WWP1: variants seen among roughly 807,000 people sequenced by gnomAD.
WWP1 encodes the protein NEDD4-like E3 ubiquitin-protein ligase WWP1.
Under a neutral mutation model 130.6 loss-of-function variants are expected in WWP1, and 49 were observed. The observed-to-expected ratio is 0.38, with a 90% CI of 0.30 to 0.48. The LOEUF (loss-of-function observed/expected upper bound fraction) is 0.48, where lower values mean the gene tolerates loss of function less well. Among genes scored for constraint, WWP1 ranks in the 20% least tolerant of loss-of-function variants. The probability of loss-of-function intolerance (pLI) is 0.99; values close to 1 mark genes in which losing one functional copy is unlikely to be tolerated. For synonymous variants in WWP1, 332 were observed against 367.8 expected, an observed-to-expected ratio of 0.90 and a Z score of 1.11; for missense variants, 809 against 1,100.6, an observed-to-expected ratio of 0.74 and a Z score of 3.75.
intron 24 of WWP1, 30 bp from the exon 25 acceptor site, chr8:86,466,764 A>G (rs560459890): frequency 1.4e-6 from 2 of 1,420,322 alleles, no homozygotes; most frequent in African/African-American, 2.9e-5. Context: ...TTTATTGAAA[A>G]CATCTGATTT....
chr8:86,452,277 G>A (rs1258889736), intron 20 of WWP1, among the ~76,000 whole-genome samples: 3 of 152,084 alleles, frequency 2.0e-5, no homozygotes, highest in Non-Finnish European at 4.4e-5. Flanking sequence ...ACTAAATAGT[G>A]AAGAACCTCC....
chr8:86,466,520 T>C (rs1039865900), intron 24 of WWP1, among the ~76,000 whole-genome samples: 1 of 150,290 alleles, frequency 6.7e-6, no homozygotes, highest in African/African-American at 2.5e-5. Flanking sequence ...GTAACAGGAA[T>C]AGTAAAAAGA....
intron 18 of WWP1, among the ~76,000 whole-genome samples, chr8:86,446,621 C>G (rs570578824): frequency 2.0e-5 from 3 of 152,172 alleles, no homozygotes; most frequent in Admixed American, 6.5e-5. Context: ...AGTATTTAAT[C>G]CATCTTGAGT....
At chr8:86,443,298 T>C (rs1428611272) in intron 18 of WWP1, among the ~76,000 whole-genome samples, 2 of 152,154 alleles carry the variant, frequency 1.3e-5, no homozygotes, top group East Asian at 3.9e-4. Context: ...GGTCTCAAAC[T>C]CCTGAGCTGA....
chr8:86,391,276 C>G lies in WWP1; in HGVS notation c.335-7066C>G, dbSNP rs551385597. Among the ~76,000 whole-genome samples, 16 of 152,266 alleles carry G rather than the reference C, an allele frequency of 1.1e-4. No individual in the cohort carries two copies. The South Asian group carries it at 3.1e-3, about 30-fold the overall frequency. On this transcript the variant is annotated intron_variant, in intron 5 of 24. Coordinates refer to ENST00000517970, the MANE Select transcript of WWP1 (RefSeq NM_007013.4). ...TCCCAAAGCTTTTGCTCCTTTAATC[C>G]TCTAATACATTGTCTCAGAATGTTT...
chr8:86,355,253 T>C (rs1205651697), intron 1 of WWP1, among the ~76,000 whole-genome samples: 1 of 152,320 alleles, frequency 6.6e-6, no homozygotes, highest in Admixed American at 6.5e-5. Context: ...AGTAATGATA[T>C]CCTGATGATG....
intron 24 of WWP1, 134 bp downstream of exon 24, chr8:86,461,980 T>A: frequency 1.5e-6 from 1 of 679,788 alleles, no homozygotes; most frequent in Non-Finnish European, 2.6e-6. Context: ...GAGAACAGAT[T>A]AATACAGCAT....
chr8:86,371,690 T>C (rs1319064047), intron 2 of WWP1, among the ~76,000 whole-genome samples: 2 of 152,218 alleles, frequency 1.3e-5, no homozygotes, highest in Non-Finnish European at 2.9e-5. Flanking sequence ...CTTTTTCTTA[T>C]TTGTAAGTAT....
At chr8:86,408,504 A>C (rs1050885727) in intron 8 of WWP1, among the ~76,000 whole-genome samples, 1 of 152,206 alleles carries the variant, frequency 6.6e-6, no homozygotes, top group South Asian at 2.1e-4. Context: ...CATCTCACCA[A>C]CATTTGCATT....
intron 5 of WWP1, among the ~76,000 whole-genome samples, chr8:86,391,809 A>G (rs1211929999): frequency 6.6e-6 from 1 of 152,062 alleles, no homozygotes. Context: ...CGAAGTCAGG[A>G]TTCTGTCCTC....
intron 1 of WWP1, among the ~76,000 whole-genome samples, chr8:86,353,559 C>T (rs955375046): frequency 1.3e-5 from 2 of 152,070 alleles, no homozygotes; most frequent in Admixed American, 6.6e-5. Context: ...GTGGTGCAGT[C>T]TCAGCTCACT....
At chr8:86,443,620 T>A (rs1810708027) in intron 18 of WWP1, among the ~76,000 whole-genome samples, 1 of 152,184 alleles carries the variant, frequency 6.6e-6, no homozygotes, top group African/African-American at 2.4e-5. Context: ...CAGTCCCTGC[T>A]CTCAGGGACC....
At chr8:86,374,586 T>TA (rs1824523791) in intron 3 of WWP1, among the ~76,000 whole-genome samples, 1 of 152,158 alleles carries the variant, frequency 6.6e-6, no homozygotes, top group Admixed American at 6.5e-5. Flanking sequence ...AAGCAAAAAA[T>TA]AAAAAATATT....
At chr8:86,457,592 CGT>C (rs1343161260) in intron 21 of WWP1, among the ~76,000 whole-genome samples, 2 of 151,008 alleles carry the variant, frequency 1.3e-5, no homozygotes, top group African/African-American at 2.4e-5. Flanking sequence ...GATGTGTGTG[CGT>C]GTGTGTGTAA....
At chr8:86,370,456 G>C (rs1384869011) in intron 2 of WWP1, among the ~76,000 whole-genome samples, 1 of 152,122 alleles carries the variant, frequency 6.6e-6, no homozygotes, top group Non-Finnish European at 1.5e-5. Context: ...GATTCATAGA[G>C]TACTCCTTGG....
At chr8:86,409,289 A>C (rs1246968425) in intron 8 of WWP1, among the ~76,000 whole-genome samples, 1 of 129,058 alleles carries the variant, frequency 7.7e-6, no homozygotes, top group East Asian at 2.2e-4. Flanking sequence ...GTTGGAGTAC[A>C]GTGGCGTGAT....
At chr8:86,460,790 C>CTTTTTTTTTTTTTTTTTT (rs59506795) in intron 22 of WWP1, among the ~76,000 whole-genome samples, 3 of 62,372 alleles carry the variant, frequency 4.8e-5, no homozygotes, top group Non-Finnish European at 9.7e-5. Context: ...TTTAGCACAT[C>CTTTTTTTTTTTTTTTTTT]TTTTTTTTTT....
Position 86,452,697 on chromosome 8 carries a change from TG to T in WWP1, c.2394+19del. On this transcript the variant is annotated intron_variant, in intron 21 of 24. Coordinates refer to ENST00000517970, the MANE Select transcript of WWP1 (RefSeq NM_007013.4). ...AATTAGAGGTTAGGCCCTTTTATTA[TG>T]CTATTGTAGGGAATGTTAGTGGGGG... The T allele has an allele frequency of 6.2e-7, 1 of 1,611,366 alleles. No homozygotes were observed. The highest frequency in any genetic ancestry group is 1.1e-5 in the South Asian group (1 of 90,732).
At chr8:86,460,873 G>C (rs1345487450) in intron 22 of WWP1, among the ~76,000 whole-genome samples, 2 of 131,672 alleles carry the variant, frequency 1.5e-5, no homozygotes, top group Non-Finnish European at 3.1e-5. Flanking sequence ...GCAGTGGCGT[G>C]ATCTTGGCTC....
Sources: allele counts gnomAD v4.1 joint callset (sites outside exome capture counted in the v4.1 genomes callset), GRCh38; gene constraint gnomAD v4.1.1; transcripts MANE v1.5; gene names NCBI Gene and HGNC (gene_info 2026-07-23, HGNC 2026-07-21).